PPP2R3A: variants seen among roughly 807,000 people sequenced by gnomAD.
The protein encoded by PPP2R3A is protein phosphatase 2 regulatory subunit B''alpha.
Under a neutral mutation model 106.9 loss-of-function variants are expected in PPP2R3A, and 80 were observed. The ratio of observed to expected loss-of-function variants is 0.75; its 90% confidence interval spans 0.62 to 0.90. The LOEUF (loss-of-function observed/expected upper bound fraction) is 0.90, where lower values mean the gene tolerates loss of function less well. Among genes scored for constraint, PPP2R3A ranks in the 40% least tolerant of loss-of-function variants. The probability of loss-of-function intolerance (pLI) is 0.00; values close to 1 mark genes in which losing one functional copy is unlikely to be tolerated. For missense variants in PPP2R3A, 1,386 were observed against 1,350.4 expected (o/e 1.03, Z -0.41); for synonymous variants, 483 against 468.3 (o/e 1.03, Z -0.41).
intron 5 of PPP2R3A, among the ~76,000 whole-genome samples, chr3:136,061,970 T>C (rs1576472375): frequency 6.6e-6 from 1 of 150,398 alleles, no homozygotes; most frequent in African/African-American, 2.4e-5. Flanking sequence ...CAATTATGAA[T>C]TTCTTTAAGA....
Position 136,102,183 on chromosome 3 carries a change from G to C in PPP2R3A, c.3103+1G>C. The C allele has an allele frequency of 6.2e-7, 1 of 1,612,644 alleles. No homozygotes were observed. The highest frequency in any genetic ancestry group is 8.5e-7 in the Non-Finnish European group (1 of 1,179,894). On this transcript the variant is annotated splice_donor_variant, in intron 11 of 13. Coordinates refer to ENST00000264977, the MANE Select transcript of PPP2R3A (RefSeq NM_002718.5). LOFTEE classifies it high-confidence loss of function. The stretch of plus-strand genomic sequence containing the variant: ...GACCTAGTGAAGCCAGCTGTTGATG[G>C]TGAGACCAAGCAATGGGACAGATGC...
At chr3:136,140,189 C>T (rs1053901188) in intron 13 of PPP2R3A, among the ~76,000 whole-genome samples, 2 of 151,868 alleles carry the variant, frequency 1.3e-5, no homozygotes, top group African/African-American at 4.8e-5. Flanking sequence ...CCACTGAACC[C>T]AGAAGTGGCC....
At chr3:135,966,098 A>T (rs952094718) in intron 1 of PPP2R3A, among the ~76,000 whole-genome samples, 1 of 151,902 alleles carries the variant, frequency 6.6e-6, no homozygotes, top group South Asian at 2.1e-4. Context: ...ACACGGCACC[A>T]GGGAGGTGTG....
chr3:136,119,404 A>C (rs538321069), intron 13 of PPP2R3A, among the ~76,000 whole-genome samples: 1 of 152,370 alleles, frequency 6.6e-6, no homozygotes, highest in African/African-American at 2.4e-5. Flanking sequence ...TCTACACAGC[A>C]AAAGAAACTA....
chr3:136,131,315 T>C (rs1242827361), intron 13 of PPP2R3A, among the ~76,000 whole-genome samples: 2 of 151,762 alleles, frequency 1.3e-5, no homozygotes, highest in Non-Finnish European at 2.9e-5. Flanking sequence ...CAAACAAATT[T>C]ACAAGAAAAA....
At chr3:135,969,315 A>G (rs1280639625) in intron 1 of PPP2R3A, among the ~76,000 whole-genome samples, 1 of 152,200 alleles carries the variant, frequency 6.6e-6, no homozygotes, top group Non-Finnish European at 1.5e-5. Flanking sequence ...GGAGAGAAGT[A>G]CATATATTCA....
chr3:135,978,037 TA>T (rs1211467086), intron 1 of PPP2R3A, among the ~76,000 whole-genome samples: 1 of 152,176 alleles, frequency 6.6e-6, no homozygotes, highest in East Asian at 1.9e-4. Flanking sequence ...ATATATCTAA[TA>T]TTTTTAAAAC....
In PPP2R3A at chr3:136,020,875, C is replaced by T. The variant is rs368709274; in HGVS notation, c.1996-5957C>T. 1.1e-3 allele frequency among the ~76,000 whole-genome samples: 163 copies of T among 152,054 alleles called. 1 individual carries two copies. Among genetic ancestry groups the T allele is most frequent in the Non-Finnish European group, 8.7e-4 (59 of 67,914 alleles). On this transcript the variant is annotated intron_variant, in intron 2 of 13. Coordinates refer to ENST00000264977, the MANE Select transcript of PPP2R3A (RefSeq NM_002718.5). ...TGTTAAGTGGAGTTCCTTTGAGAGA[C>T]GTTACATAGTATTTCACTAAGTGCT... is the stretch of plus-strand genomic sequence containing the variant.
rs1165414484 is a variant in PPP2R3A, at chr3:135,979,321, G to A, written c.-441+13472G>A. Among the ~76,000 whole-genome samples the A allele has an allele frequency of 2.0e-5, 3 of 151,486 alleles. 1 individual carries two copies. Among genetic ancestry groups the A allele is most frequent in the African/African-American group, 7.3e-5 (3 of 40,860 alleles). ...TTGAACTCAGGAGGCGGAGGTTGCG[G>A]TGAGCCGAGATTGCGCCACTGCTCT... On this transcript the variant is annotated intron_variant, in intron 1 of 13. Coordinates refer to ENST00000264977, the MANE Select transcript of PPP2R3A (RefSeq NM_002718.5).
intron 5 of PPP2R3A, among the ~76,000 whole-genome samples, chr3:136,069,561 G>A (rs1283251128): frequency 6.6e-6 from 1 of 152,162 alleles, no homozygotes; most frequent in Non-Finnish European, 1.5e-5. Context: ...CTGGGAGGCG[G>A]AGCGAGACTC....
chr3:136,046,406 G>A (rs1003135280), intron 4 of PPP2R3A, among the ~76,000 whole-genome samples: 10 of 151,490 alleles, frequency 6.6e-5, no homozygotes, highest in African/African-American at 2.2e-4. Flanking sequence ...GTGAGCCGAG[G>A]TTGCGCTGTT....
At chr3:136,110,412 T>C (rs1937576635) in intron 13 of PPP2R3A, among the ~76,000 whole-genome samples, 2 of 151,452 alleles carry the variant, frequency 1.3e-5, no homozygotes, top group African/African-American at 4.9e-5. Context: ...AAAAAAAAAA[T>C]GCAGCCATTG....
chr3:136,013,184 A>G (rs6775100), intron 2 of PPP2R3A, among the ~76,000 whole-genome samples: 27,694 of 108,604 alleles, frequency 0.26, 3,897 homozygotes, highest in African/African-American at 0.45. Context: ...GTGTGTGTGT[A>G]TGTATGTATG....
chr3:136,108,704 T>A (rs977107383), intron 13 of PPP2R3A, among the ~76,000 whole-genome samples: 1 of 151,950 alleles, frequency 6.6e-6, no homozygotes, highest in Non-Finnish European at 1.5e-5. Flanking sequence ...ATTGGGTTTT[T>A]TTTTTCCAGT....
intron 2 of PPP2R3A, among the ~76,000 whole-genome samples, chr3:136,011,220 G>GTT (rs144834122): frequency 1.3e-5 from 2 of 150,082 alleles, no homozygotes; most frequent in African/African-American, 4.9e-5. Context: ...CCCCTCTACT[G>GTT]TTTTTTTTTC....
At chr3:136,016,057 C>A (rs1337332371) in intron 2 of PPP2R3A, among the ~76,000 whole-genome samples, 2 of 152,102 alleles carry the variant, frequency 1.3e-5, no homozygotes, top group Non-Finnish European at 2.9e-5. Context: ...TAATTTCCAT[C>A]TTGATTTCAT....
At chr3:136,123,047 A>G (rs1383130527) in intron 13 of PPP2R3A, among the ~76,000 whole-genome samples, 1 of 152,164 alleles carries the variant, frequency 6.6e-6, no homozygotes, top group East Asian at 1.9e-4. Flanking sequence ...TATCCCAGAA[A>G]TAACCAGTTA....
At chr3:135,985,411 GCTCT>G (rs1937599457) in intron 1 of PPP2R3A, among the ~76,000 whole-genome samples, 3 of 115,196 alleles carry the variant, frequency 2.6e-5, no homozygotes, top group African/African-American at 1.0e-4. Context: ...TCTCTCTCTC[GCTCT>G]CTCTGTCTCT....
intron 13 of PPP2R3A, among the ~76,000 whole-genome samples, chr3:136,111,440 T>TAC (rs1937590506): frequency 6.6e-6 from 1 of 152,202 alleles, no homozygotes; most frequent in Admixed American, 6.5e-5. Flanking sequence ...AAACTCAAAC[T>TAC]ACTTGAAAGT....
Sources: gnomAD v4.1 joint callset for allele counts (sites outside exome capture counted in the v4.1 genomes callset) on GRCh38, gnomAD v4.1.1 for gene constraint, MANE v1.5 for transcripts, NCBI Gene and HGNC (gene_info 2026-07-23, HGNC 2026-07-21) for gene names.